Variants in LRRC28 observed in about 807,000 individuals in gnomAD.
LRRC28 encodes the protein leucine rich repeat containing 28.
Under a neutral mutation model 45.7 loss-of-function variants are expected in LRRC28, and 39 were observed. The observed-to-expected ratio is 0.85, with a 90% CI of 0.66 to 1.12. The LOEUF is 1.12. LRRC28 is among the 50% of genes most tolerant of loss of function. The probability of loss-of-function intolerance (pLI) is 0.00; values close to 1 mark genes in which losing one functional copy is unlikely to be tolerated. For missense variants in LRRC28, 435 were observed against 438.5 expected, an observed-to-expected ratio of 0.99 and a Z score of 0.07; for synonymous variants, 206 against 178.8, an observed-to-expected ratio of 1.15 and a Z score of -1.22.
chr15:99,286,510 G>T (rs2081964237), intron 3 of LRRC28, among the ~76,000 whole-genome samples: 1 of 152,164 alleles, frequency 6.6e-6, no homozygotes, highest in Admixed American at 6.5e-5. Flanking sequence ...CTAAATCAAT[G>T]ATATAAATTT....
intron 6 of LRRC28, among the ~76,000 whole-genome samples, chr15:99,346,121 C>G (rs1326894639): frequency 6.6e-6 from 1 of 151,986 alleles, no homozygotes; most frequent in Non-Finnish European, 1.5e-5. Flanking sequence ...AGGTGGGACT[C>G]TAGACATGGG....
chr15:99,305,274 T>C (rs899194907), intron 5 of LRRC28, among the ~76,000 whole-genome samples: 1 of 152,194 alleles, frequency 6.6e-6, no homozygotes, highest in African/African-American at 2.4e-5. Context: ...GTAGTAAATA[T>C]TGTGAACAGC....
At chr15:99,359,801 T>C (rs924324395) in intron 7 of LRRC28, among the ~76,000 whole-genome samples, 6 of 152,184 alleles carry the variant, frequency 3.9e-5, no homozygotes, top group African/African-American at 1.2e-4. Flanking sequence ...TAAATCTATC[T>C]TGATTGGCAT....
At chr15:99,279,330 T>G (rs1473074201) in intron 3 of LRRC28, among the ~76,000 whole-genome samples, 2 of 152,242 alleles carry the variant, frequency 1.3e-5, no homozygotes, top group African/African-American at 4.8e-5. Context: ...GTTTCCACAT[T>G]TTGAAAGCTT....
chr15:99,255,903 G>C lies in LRRC28; in HGVS notation c.-55G>C, dbSNP rs2081003321. 1.3e-6 allele frequency: 2 copies of C among 1,518,100 alleles called. No homozygotes were observed. The allele number at this position is 1,518,100 out of a possible 1,614,324, so 94.0% of individuals were successfully genotyped here. The stretch of plus-strand genomic sequence containing the variant: ...TTTTCTCGTTCTCTTTATAGAAATG[G>C]ACCAATTTTGACAAGATATAGTGCT... On this transcript the variant is annotated 5_prime_UTR_variant, in exon 2 of 10. Coordinates refer to ENST00000301981, the MANE Select transcript of LRRC28 (RefSeq NM_144598.5).
chr15:99,359,002 G>C (rs557019105), intron 7 of LRRC28, among the ~76,000 whole-genome samples: 22 of 152,094 alleles, frequency 1.4e-4, no homozygotes, highest in African/African-American at 5.3e-4. Context: ...TTGAACCCGG[G>C]AGGCAGAGGT....
chr15:99,266,685 TTATC>T (rs2081341882), intron 2 of LRRC28, among the ~76,000 whole-genome samples: 2 of 152,322 alleles, frequency 1.3e-5, no homozygotes, highest in African/African-American at 4.8e-5. Flanking sequence ...ACAAGAGTGT[TTATC>T]ACAAAATTGA....
chr15:99,349,993 G>A (rs569448742), intron 6 of LRRC28, among the ~76,000 whole-genome samples: 10 of 151,512 alleles, frequency 6.6e-5, no homozygotes, highest in Admixed American at 1.3e-4. Flanking sequence ...AAAATTAGCC[G>A]GGCGCGGTGG....
chr15:99,287,826 T>C lies in LRRC28; in HGVS notation c.260T>C (p.Leu87Pro). The C allele has an allele frequency of 1.2e-6, 2 of 1,612,066 alleles. No individual in the cohort carries two copies. The highest frequency in any genetic ancestry group is 2.2e-5 in the South Asian group (2 of 90,746). Reference sequence around the variant, plus strand: ...TTTCTCTTTGAAGCCATTGGGTCTCTTGTAAAACTCCAATGTCTGGATCTT... The same window carrying C: ...TTTCTCTTTGAAGCCATTGGGTCTCCTGTAAAACTCCAATGTCTGGATCTT... Reference protein sequence around the residue: ...IVVVPEAIGSLVKLQCLDLSD... With the variant: ...IVVVPEAIGSPVKLQCLDLSD... The change falls in exon 5 of 10, where the codon CTT (leucine) becomes CCT (proline). Residue 87 changes from leucine to proline, a missense_variant. Leu to Pro is a moderately conservative substitution (Grantham distance 98, BLOSUM62 -3). Transcript: ENST00000301981.
At chr15:99,259,970 GA>G in intron 2 of LRRC28, 1 of 643,468 alleles carries the variant, frequency 1.6e-6, no homozygotes. Context: ...AACAGATGAA[GA>G]AAAACAAGAA....
At chr15:99,298,812 G>A (rs1375981435) in intron 5 of LRRC28, among the ~76,000 whole-genome samples, 1 of 152,052 alleles carries the variant, frequency 6.6e-6, no homozygotes, top group Non-Finnish European at 1.5e-5. Flanking sequence ...GGGTTGAAGC[G>A]ATTCTCCTGC....
intron 2 of LRRC28, among the ~76,000 whole-genome samples, chr15:99,261,253 A>G (rs1033613122): frequency 2.0e-5 from 3 of 152,362 alleles, no homozygotes; most frequent in African/African-American, 7.2e-5. Context: ...CTTATGTCAA[A>G]CAACATAGAG....
At chr15:99,274,890 AT>A (rs2081575160) in intron 2 of LRRC28, among the ~76,000 whole-genome samples, 1 of 152,094 alleles carries the variant, frequency 6.6e-6, no homozygotes. Context: ...ATTCCATGTC[AT>A]CCTCTTATAA....
chr15:99,359,247 A>G (rs1021964706), intron 7 of LRRC28, among the ~76,000 whole-genome samples: 1 of 152,224 alleles, frequency 6.6e-6, no homozygotes, highest in African/African-American at 2.4e-5. Context: ...GCTGACAAAG[A>G]GAACCATATG....
intron 9 of LRRC28, among the ~76,000 whole-genome samples, chr15:99,366,528 C>G (rs1282355802): frequency 1.3e-5 from 2 of 152,162 alleles, no homozygotes; most frequent in Admixed American, 6.5e-5. Flanking sequence ...GGAAAGAAGT[C>G]TGAAATCAAG....
At chr15:99,283,202 T>C (rs1467781799) in intron 3 of LRRC28, among the ~76,000 whole-genome samples, 2 of 152,052 alleles carry the variant, frequency 1.3e-5, no homozygotes, top group Admixed American at 1.3e-4. Flanking sequence ...CTAAAAATTA[T>C]TTTTTAAAAC....
chr15:99,260,928 TTTG>T lies in LRRC28; in HGVS notation c.168+4806_168+4808del, dbSNP rs1448739794. Reference sequence around the variant, plus strand: ...TTTTTGTGTTTCTTAACATTTTTTGTTTGTTTGTTTCCTGTTAACATTTTTGCG... The same window carrying T: ...TTTTTGTGTTTCTTAACATTTTTTGTTTTGTTTCCTGTTAACATTTTTGCG... On this transcript the variant is annotated intron_variant, in intron 2 of 9. Coordinates refer to ENST00000301981, the MANE Select transcript of LRRC28 (RefSeq NM_144598.5). Among the ~76,000 whole-genome samples, 6 of 151,648 alleles carry T rather than the reference TTTG, an allele frequency of 4.0e-5. No individual in the cohort carries two copies. The East Asian group carries it at 9.7e-4, about 25-fold the overall frequency.
At chr15:99,299,163 G>A (rs1037892441) in intron 5 of LRRC28, among the ~76,000 whole-genome samples, 7 of 152,208 alleles carry the variant, frequency 4.6e-5, no homozygotes, top group African/African-American at 7.2e-5. Flanking sequence ...GTGATTTGAT[G>A]TATTGCATTT....
chr15:99,385,320 G>A (rs1249848775), intron 9 of LRRC28, among the ~76,000 whole-genome samples: 7 of 152,338 alleles, frequency 4.6e-5, no homozygotes, highest in East Asian at 1.9e-4. Context: ...TGGGGGTGAG[G>A]AAATAGAAAA....
Sources: allele counts gnomAD v4.1 joint callset (sites outside exome capture counted in the v4.1 genomes callset), GRCh38; gene constraint gnomAD v4.1.1; transcripts MANE v1.5; gene names NCBI Gene and HGNC (gene_info 2026-07-23, HGNC 2026-07-21).